UNC5D: variants seen among roughly 807,000 people sequenced by gnomAD.
UNC5D encodes the protein netrin receptor UNC5D.
Under a neutral mutation model 105.4 loss-of-function variants are expected in UNC5D, and 39 were observed. The ratio of observed to expected loss-of-function variants is 0.37; its 90% CI spans 0.29 to 0.48. The LOEUF (loss-of-function observed/expected upper bound fraction) is 0.48. UNC5D is among the 20% of genes least tolerant of loss of function. The probability of loss-of-function intolerance (pLI) is 0.98; values close to 1 mark genes in which losing one functional copy is unlikely to be tolerated. For synonymous variants in UNC5D, 452 were observed against 450.4 expected, an observed-to-expected ratio of 1.00 and a Z score of -0.04; for missense variants, 991 against 1,202.4, an observed-to-expected ratio of 0.82 and a Z score of 2.60.
chr8:35,326,520 T>C (rs897390017), intron 1 of UNC5D, among the ~76,000 whole-genome samples: 4 of 152,198 alleles, frequency 2.6e-5, no homozygotes, highest in Non-Finnish European at 5.9e-5. Context: ...TTTGGGAGGC[T>C]GAGGTAGGAA....
intron 1 of UNC5D, among the ~76,000 whole-genome samples, chr8:35,392,670 A>G (rs1803850909): frequency 6.6e-6 from 1 of 152,212 alleles, no homozygotes; most frequent in South Asian, 2.1e-4. Context: ...TCACATCGGC[A>G]AAGTCCCTTT....
intron 7 of UNC5D, among the ~76,000 whole-genome samples, chr8:35,695,859 C>T (rs960171889): frequency 2.6e-5 from 4 of 151,744 alleles, no homozygotes; most frequent in South Asian, 2.1e-4. Context: ...CTCAGCCTCC[C>T]GAGTAGCTGG....
intron 1 of UNC5D, among the ~76,000 whole-genome samples, chr8:35,303,517 G>A (rs56245938): frequency 6.6e-6 from 1 of 152,082 alleles, no homozygotes; most frequent in African/African-American, 2.4e-5. Flanking sequence ...ATAAGTGCTG[G>A]AACCAACATT....
chr8:35,347,510 T>A (rs1811891522), intron 1 of UNC5D, among the ~76,000 whole-genome samples: 1 of 152,042 alleles, frequency 6.6e-6, no homozygotes, highest in Non-Finnish European at 1.5e-5. Flanking sequence ...AATATAAAGA[T>A]TTTGTTAAAA....
intron 14 of UNC5D, among the ~76,000 whole-genome samples, chr8:35,764,141 G>A (rs1230222861): frequency 1.3e-5 from 2 of 152,168 alleles, no homozygotes; most frequent in Admixed American, 1.3e-4. Flanking sequence ...AGCCATAATG[G>A]AAGCATAATG....
chr8:35,664,309 TTGCTTGGA>T (rs962524548), intron 4 of UNC5D, among the ~76,000 whole-genome samples: 8 of 152,168 alleles, frequency 5.3e-5, no homozygotes, highest in African/African-American at 1.9e-4. Flanking sequence ...TGCTGCCATG[TTGCTTGGA>T]TGTTTGTTTT....
chr8:35,387,904 A>T (rs77411684), intron 1 of UNC5D, among the ~76,000 whole-genome samples: 2 of 152,200 alleles, frequency 1.3e-5, no homozygotes, highest in South Asian at 2.1e-4. Context: ...AATGAATACT[A>T]TCTGCTTCTT....
chr8:35,789,134 A>G (rs1802889776), intron 16 of UNC5D, among the ~76,000 whole-genome samples: 1 of 71,422 alleles, frequency 1.4e-5, no homozygotes, highest in Admixed American at 1.9e-4. Context: ...GTGGGAGAAA[A>G]GACTATATAT....
Position 35,792,959 on chromosome 8 carries a change from C to T in UNC5D, c.*2396C>T, listed in dbSNP as rs538488944. ...TCAATCCCTGAATGTCTGGAGTTAC[C>T]TCCCATGGATTTTTTTTTCCTTTGG... On this transcript the variant is annotated 3_prime_UTR_variant, in exon 17 of 17. Transcript: ENST00000404895. The T allele has an allele frequency of 2.2e-6, 1 of 451,986 alleles. No homozygotes were observed. The highest frequency in any genetic ancestry group is 2.4e-5 in the Admixed American group (1 of 41,824). The allele number at this position is 451,986 out of a possible 1,614,324, so 28.0% of individuals were successfully genotyped here.
chr8:35,441,809 G>A (rs769008378), intron 1 of UNC5D, among the ~76,000 whole-genome samples: 5 of 151,206 alleles, frequency 3.3e-5, no homozygotes, highest in African/African-American at 4.9e-5. Context: ...GAGAATCAGC[G>A]CCATATGCAA....
At chr8:35,783,312 A>C (rs1358755882) in intron 16 of UNC5D, among the ~76,000 whole-genome samples, 1 of 152,152 alleles carries the variant, frequency 6.6e-6, no homozygotes, top group Admixed American at 6.5e-5. Context: ...GGTTGAAGTG[A>C]CTTCTTTGCT....
At chr8:35,546,394 A>G (rs1284259546) in intron 1 of UNC5D, among the ~76,000 whole-genome samples, 1 of 152,174 alleles carries the variant, frequency 6.6e-6, no homozygotes, top group Non-Finnish European at 1.5e-5. Context: ...TTAAAACTTG[A>G]TCTATTACAT....
chr8:35,277,498 A>G (rs1160374984), intron 1 of UNC5D, among the ~76,000 whole-genome samples: 1 of 151,958 alleles, frequency 6.6e-6, no homozygotes, highest in African/African-American at 2.4e-5. Context: ...CTTCATTGTC[A>G]TTTAGCTTTT....
Position 35,631,635 on chromosome 8 carries a change from G to A in UNC5D, c.570+35978G>A, listed in dbSNP as rs535999536. On this transcript the variant is annotated intron_variant, in intron 4 of 16. Transcript: ENST00000404895. Reference sequence around the variant, plus strand: ...AAGTTGCTCACTTCTCCAGCAAGTAGTCCGAACAGAGTAGATGAGTAAGGA... The same window carrying A: ...AAGTTGCTCACTTCTCCAGCAAGTAATCCGAACAGAGTAGATGAGTAAGGA... Among the ~76,000 whole-genome samples the A allele has an allele frequency of 9.2e-5, 14 of 152,332 alleles. 1 individual carries two copies. The South Asian group carries it at 2.9e-3, about 32-fold the overall frequency.
intron 4 of UNC5D, among the ~76,000 whole-genome samples, chr8:35,654,948 G>A (rs1257409979): frequency 1.3e-5 from 2 of 152,174 alleles, no homozygotes; most frequent in Non-Finnish European, 2.9e-5. Context: ...TGACTTGAGG[G>A]TGGTAAAAAT....
intron 1 of UNC5D, among the ~76,000 whole-genome samples, chr8:35,368,631 T>C (rs1265416619): frequency 1.3e-5 from 2 of 151,218 alleles, no homozygotes; most frequent in Non-Finnish European, 1.5e-5. Context: ...TTATGTCTCT[T>C]ATATATTTGT....
Position 35,292,954 on chromosome 8 carries a change from T to G in UNC5D, c.103+57067T>G, listed in dbSNP as rs754298626. Among the ~76,000 whole-genome samples, 11 of 152,098 alleles carry G rather than the reference T, an allele frequency of 7.2e-5. 1 individual carries two copies. Among genetic ancestry groups the G allele is most frequent in the Non-Finnish European group, 1.3e-4 (9 of 68,010 alleles). On this transcript the variant is annotated intron_variant, in intron 1 of 16. Transcript: ENST00000404895. ...ATCCACCCACCTCGGCCTTCCAAAT[T>G]GCTGGGATTAGATGTGAGCCACCAT...
chr8:35,690,957 G>A lies in UNC5D; in HGVS notation c.1084+4248G>A, dbSNP rs538433839. On this transcript the variant is annotated intron_variant, in intron 7 of 16. Transcript: ENST00000404895. Reference sequence around the variant, plus strand: ...ACCTTCTCGTGGAGGATTCACAATGGCATTTCTTGGCTCTTAGATGACCTA... The same window carrying A: ...ACCTTCTCGTGGAGGATTCACAATGACATTTCTTGGCTCTTAGATGACCTA... Among the ~76,000 whole-genome samples, 11 of 152,228 alleles carry A rather than the reference G, an allele frequency of 7.2e-5. No homozygotes were observed. In the South Asian group the frequency reaches 2.3e-3, roughly 32 times the overall value.
At chr8:35,299,844 T>C (rs890740214) in intron 1 of UNC5D, among the ~76,000 whole-genome samples, 4 of 152,084 alleles carry the variant, frequency 2.6e-5, no homozygotes, top group African/African-American at 9.7e-5. Flanking sequence ...AACTGTAAAA[T>C]AGAGTGAGGA....
Sources: gnomAD v4.1 joint callset for allele counts (sites outside exome capture counted in the v4.1 genomes callset) on GRCh38, gnomAD v4.1.1 for gene constraint, MANE v1.5 for transcripts, NCBI Gene and HGNC (gene_info 2026-07-23, HGNC 2026-07-21) for gene names.